The following VWA8 variants were observed in gnomAD, a reference collection of about 807,000 sequenced individuals.
The protein encoded by VWA8 is von Willebrand factor A domain-containing protein 8.
VWA8 carries 221 observed loss-of-function variants against 241.5 expected under a neutral mutation model. The ratio of observed to expected loss-of-function variants is 0.91; its 90% confidence interval spans 0.82 to 1.02. VWA8 has a LOEUF of 1.02. Among genes scored for constraint, VWA8 ranks in the 50% least tolerant of loss-of-function variants. The probability of loss-of-function intolerance (pLI) is 0.00; values close to 1 mark genes in which losing one functional copy is unlikely to be tolerated. For synonymous variants in VWA8, 852 were observed against 827.1 expected (o/e 1.03, Z -0.52); for missense variants, 2,322 against 2,328.7 (o/e 1.00, Z 0.06).
At chr13:41,661,903 A>G (rs1301765524) in intron 37 of VWA8, among the ~76,000 whole-genome samples, 1 of 152,164 alleles carries the variant, frequency 6.6e-6, no homozygotes, top group Non-Finnish European at 1.5e-5. Flanking sequence ...TTTGTTGACT[A>G]TCCTTTCTCC....
chr13:41,784,699 TA>T (rs1869069029), intron 18 of VWA8, among the ~76,000 whole-genome samples: 1 of 37,196 alleles, frequency 2.7e-5, no homozygotes, highest in Admixed American at 3.3e-4. Context: ...TACATATACA[TA>T]TATATATATA....
intron 2 of VWA8, among the ~76,000 whole-genome samples, chr13:41,943,233 GA>G (rs1304984557): frequency 6.6e-6 from 1 of 151,852 alleles, no homozygotes; most frequent in Non-Finnish European, 1.5e-5. Context: ...AAAAGAAAAG[GA>G]AAAAACACAA....
chr13:41,865,316 G>T, intron 12 of VWA8: 1 of 388,550 alleles, frequency 2.6e-6, no homozygotes, highest in Non-Finnish European at 5.0e-6. Context: ...TCTTTATGCT[G>T]GAACATTTGA....
chr13:41,945,773 G>A (rs149186064), intron 2 of VWA8, among the ~76,000 whole-genome samples: 1 of 152,180 alleles, frequency 6.6e-6, no homozygotes, highest in Non-Finnish European at 1.5e-5. Flanking sequence ...TCACAGACTT[G>A]TGGGGCACCA....
intron 41 of VWA8, among the ~76,000 whole-genome samples, chr13:41,589,798 C>T (rs1397407312): frequency 6.6e-6 from 1 of 152,120 alleles, no homozygotes; most frequent in Non-Finnish European, 1.5e-5. Flanking sequence ...AGACTCTGTC[C>T]CAGGCCACTG....
intron 20 of VWA8, among the ~76,000 whole-genome samples, chr13:41,773,059 C>T (rs1213414446): frequency 6.6e-6 from 1 of 152,158 alleles, no homozygotes; most frequent in Non-Finnish European, 1.5e-5. Context: ...GTGTAGACTG[C>T]ATATATCTGT....
At chr13:41,718,716 C>T (rs1290248271) in intron 26 of VWA8, among the ~76,000 whole-genome samples, 3 of 150,176 alleles carry the variant, frequency 2.0e-5, no homozygotes, top group Admixed American at 6.6e-5. Context: ...TATATATATG[C>T]AACTTTTTTT....
chr13:41,753,159 G>A (rs1048873112), intron 21 of VWA8, among the ~76,000 whole-genome samples: 4 of 152,206 alleles, frequency 2.6e-5, no homozygotes, highest in African/African-American at 9.6e-5. Flanking sequence ...AAATCTCACT[G>A]AAAGAGAAAG....
At chr13:41,883,927 A>G (rs1465469666) in intron 8 of VWA8, among the ~76,000 whole-genome samples, 1 of 152,214 alleles carries the variant, frequency 6.6e-6, no homozygotes, top group Non-Finnish European at 1.5e-5. Context: ...CTTCACAGTT[A>G]TAACTACAAA....
chr13:41,797,518 G>C (rs7322763), intron 17 of VWA8, among the ~76,000 whole-genome samples: 66,581 of 151,928 alleles, frequency 0.44, 16,514 homozygotes, highest in South Asian at 0.63. Context: ...TGATCTGTCA[G>C]TTTCTGAAAA....
chr13:41,737,351 C>G (rs78221172), intron 21 of VWA8, among the ~76,000 whole-genome samples: 2 of 152,132 alleles, frequency 1.3e-5, no homozygotes, highest in East Asian at 3.9e-4. Context: ...AGAATTATCA[C>G]TAATAAAATA....
chr13:41,654,592 G>T (rs188876286), intron 37 of VWA8, among the ~76,000 whole-genome samples: 1 of 152,218 alleles, frequency 6.6e-6, no homozygotes, highest in African/African-American at 2.4e-5. Context: ...ATCTACTGCT[G>T]CTGGCGAGCT....
intron 39 of VWA8, among the ~76,000 whole-genome samples, chr13:41,607,193 CAAT>C (rs1426061199): frequency 2.0e-5 from 3 of 152,186 alleles, no homozygotes; most frequent in Non-Finnish European, 4.4e-5. Flanking sequence ...GTACCTACCA[CAAT>C]ACCTGCCTGG....
intron 26 of VWA8, among the ~76,000 whole-genome samples, chr13:41,708,361 T>TA (rs879272082): frequency 2.8e-4 from 41 of 145,840 alleles, no homozygotes; most frequent in African/African-American, 4.8e-4. Context: ...AATTTGGTCT[T>TA]AAAAAAAAAA....
intron 28 of VWA8, among the ~76,000 whole-genome samples, chr13:41,700,221 C>A (rs1435855943): frequency 1.3e-5 from 2 of 152,042 alleles, no homozygotes; most frequent in African/African-American, 4.8e-5. Context: ...TTTGGGACTA[C>A]CCTGGAAAAT....
At position 41,935,733 on chromosome 13, in the gene VWA8, G is replaced by A. The variant is rs376497642; in HGVS notation, c.241+14203C>T. Reference sequence around the variant, plus strand: ...TCTAAACACAGACAGACATGTAATAGACCTATAAAGGTGCTTCAAATTGTT... The same window carrying A: ...TCTAAACACAGACAGACATGTAATAAACCTATAAAGGTGCTTCAAATTGTT... On this transcript the variant is annotated intron_variant, in intron 2 of 44. Coordinates refer to ENST00000379310, the MANE Select transcript of VWA8 (RefSeq NM_015058.2). Among the ~76,000 whole-genome samples the A allele has an allele frequency of 3.3e-5, 5 of 151,078 alleles. No homozygotes were observed. The East Asian group carries it at 9.7e-4, about 29-fold the overall frequency.
intron 4 of VWA8, among the ~76,000 whole-genome samples, chr13:41,899,726 T>G (rs948296607): frequency 6.6e-6 from 1 of 152,184 alleles, no homozygotes; most frequent in Non-Finnish European, 1.5e-5. Context: ...AATAAGCAAC[T>G]GAATAGAACA....
At chr13:41,819,714 T>C (rs1399084692) in intron 14 of VWA8, among the ~76,000 whole-genome samples, 1 of 152,170 alleles carries the variant, frequency 6.6e-6, no homozygotes, top group Non-Finnish European at 1.5e-5. Context: ...TCCCATCCAG[T>C]TCACATTCAT....
At chr13:41,878,218 A>G (rs188453836) in intron 9 of VWA8, among the ~76,000 whole-genome samples, 198 of 152,162 alleles carry the variant, frequency 1.3e-3, no homozygotes, top group African/African-American at 4.6e-3. Context: ...TCTTAAGTAA[A>G]CATTTTTTTC....
Sources: allele counts gnomAD v4.1 joint callset (sites outside exome capture counted in the v4.1 genomes callset), GRCh38; gene constraint gnomAD v4.1.1; transcripts MANE v1.5; gene names NCBI Gene and HGNC (gene_info 2026-07-23, HGNC 2026-07-21).